The following MPHOSPH6 variants were observed in gnomAD, a reference collection of about 807,000 sequenced individuals.
MPHOSPH6 encodes the protein M-phase phosphoprotein 6.
Under a neutral mutation model 21.8 loss-of-function variants are expected in MPHOSPH6, and 25 were observed. That is an observed-to-expected ratio of 1.15 (90% CI 0.83 to 1.60). MPHOSPH6 has a LOEUF of 1.60. Among genes scored for constraint, MPHOSPH6 ranks in the 40% most tolerant of loss-of-function variants. The pLI is 0.00. For synonymous variants in MPHOSPH6, 84 were observed against 56.5 expected, an observed-to-expected ratio of 1.49 and a Z score of -2.18; for missense variants, 269 against 181.8, an observed-to-expected ratio of 1.48 and a Z score of -2.76.
intron 1 of MPHOSPH6, chr16:82,164,894 A>G (rs890598146): frequency 6.6e-6 from 1 of 152,186 alleles, no homozygotes; most frequent in Non-Finnish European, 1.5e-5. Context: ...ATGGCAGTAA[A>G]TAACAGTCCT....
At chr16:82,169,363 G>C (rs2967359) in intron 1 of MPHOSPH6, among the ~76,000 whole-genome samples, 103,434 of 151,920 alleles carry the variant, frequency 0.68, 36,375 homozygotes, top group Admixed American at 0.78. Flanking sequence ...CCTAGTTTAG[G>C]ACGCTGTGCC....
Position 82,149,386 on chromosome 16 carries a change from C to T in MPHOSPH6, c.273G>A (p.Met91Ile), listed in dbSNP as rs1307936959. The stretch of plus-strand genomic sequence containing the variant: ...CTTCTTCTGCTTTGTGCTTAGCATT[C>T]ATCTGAAGCATCAATTTCTGAAAAA... The part of the protein sequence containing the change: ...NPEVEKLMLQ[M>I]NAKHKAEEVE... Residue 91 changes from methionine (M) to isoleucine (I), a missense_variant, in exon 4 of 5, where the codon ATG (methionine) becomes ATA (isoleucine). Coordinates refer to ENST00000258169, the MANE Select transcript of MPHOSPH6 (RefSeq NM_005792.2). 6.2e-7 allele frequency: 1 copy of T among 1,612,278 alleles called. No individual in the cohort carries two copies. The highest frequency in any genetic ancestry group is 1.3e-5 in the African/African-American group (1 of 75,066).
chr16:82,165,144 T>TTTTTTTTTTTTTTTTTG lies in MPHOSPH6; in HGVS notation c.52-951_52-950insCAAAAAAAAAAAAAAAA, dbSNP rs1555540871. ...TTATTTTTTTTTTTATTTTTTTTTTTTGAGACAGAGTCTCACTCTGTCGCC... is the reference window on the plus strand; with the variant it reads ...TTATTTTTTTTTTTATTTTTTTTTTTTTTTTTTTTTTTTTTTGTGAGACAGAGTCTCACTCTGTCGCC... On this transcript the variant is annotated intron_variant, in intron 1 of 4. Coordinates refer to ENST00000258169, the MANE Select transcript of MPHOSPH6 (RefSeq NM_005792.2). 4.6e-5 allele frequency among the ~76,000 whole-genome samples: 5 copies of TTTTTTTTTTTTTTTTTG among 108,690 alleles called. 1 individual carries two copies. Among genetic ancestry groups the TTTTTTTTTTTTTTTTTG allele is most frequent in the Non-Finnish European group, 7.5e-5 (4 of 53,542 alleles). 71.3% of individuals were successfully genotyped at this position (108,690 alleles called of 152,430 possible). A position where few individuals can be genotyped will look rare whatever the true frequency, so the allele number is the denominator to read the frequency against.
At chr16:82,149,713 G>T (rs1428009355) in intron 3 of MPHOSPH6, among the ~76,000 whole-genome samples, 7 of 152,146 alleles carry the variant, frequency 4.6e-5, no homozygotes, top group African/African-American at 1.7e-4. Flanking sequence ...TCCGGTGAGT[G>T]GGGGAAGAAA....
intron 2 of MPHOSPH6, among the ~76,000 whole-genome samples, chr16:82,162,744 G>A (rs1232282239): frequency 6.6e-6 from 1 of 152,100 alleles, no homozygotes. Context: ...CCAACATCCT[G>A]AGCTGATATA....
chr16:82,151,661 T>C, intron 2 of MPHOSPH6, 147 bp from the exon 3 acceptor site: 1 of 1,236,666 alleles, frequency 8.1e-7, no homozygotes, highest in African/African-American at 1.5e-5. Flanking sequence ...GGGTTAAAAA[T>C]AAAATCTGAT....
chr16:82,168,763 C>T lies in MPHOSPH6; in HGVS notation c.51+1362G>A, dbSNP rs1054117752. ...CTGGGACTACAGGCATGAGCCACTG[C>T]GAATGGCCTATCTTTCAAAACATTA... On this transcript the variant is annotated intron_variant, in intron 1 of 4. Coordinates refer to ENST00000258169, the MANE Select transcript of MPHOSPH6 (RefSeq NM_005792.2). Among the ~76,000 whole-genome samples the T allele has an allele frequency of 9.2e-5, 14 of 152,332 alleles. No individual in the cohort carries two copies. In the East Asian group the frequency reaches 9.6e-4, roughly 10 times the overall value.
chr16:82,157,012 G>C (rs1243466774), intron 2 of MPHOSPH6, among the ~76,000 whole-genome samples: 1 of 152,014 alleles, frequency 6.6e-6, no homozygotes, highest in African/African-American at 2.4e-5. Context: ...GGTTGCGCCA[G>C]TGCACTGTAG....
intron 1 of MPHOSPH6, among the ~76,000 whole-genome samples, chr16:82,168,905 A>G (rs1301202556): frequency 1.3e-5 from 2 of 152,212 alleles, no homozygotes. Context: ...GAGTAGTAAT[A>G]AAGAGCCAGG....
chr16:82,170,187 C>T lies in MPHOSPH6; in HGVS notation c.-12G>A, dbSNP rs1176340013. 6.3e-7 allele frequency: 1 copy of T among 1,577,238 alleles called. No individual in the cohort carries two copies. The highest frequency in any genetic ancestry group is 1.1e-5 in the South Asian group (1 of 87,374). On this transcript the variant is annotated 5_prime_UTR_variant, in exon 1 of 5. Coordinates refer to ENST00000258169, the MANE Select transcript of MPHOSPH6 (RefSeq NM_005792.2). The stretch of plus-strand genomic sequence containing the variant: ...CGCTCGGCCGCCATGGTAGCTTCCG[C>T]CCAGCGCCGCACTCCGGCCGCGAGC...
rs199726943 is a variant in MPHOSPH6 at position 82,148,740 on chromosome 16, G to A, written c.474C>T (p.Pro158=). 8.7e-6 allele frequency: 14 copies of A among 1,613,864 alleles called. No homozygotes were observed. The highest frequency in any genetic ancestry group is 5.3e-5 in the African/African-American group (4 of 74,872). Residue 158 remains proline, a synonymous_variant, in exon 5 of 5, where the codon CCC becomes CCT. Coordinates refer to ENST00000258169, the MANE Select transcript of MPHOSPH6 (RefSeq NM_005792.2). ...GCTTAAGGCATCCATCTTAATCCTG[G>A]GGCTTTAAGAACATCTTCTTTGCTT... ...PIKAKKMFLK[P]QD is the part of the protein sequence containing the mutation.
rs114360729 is a variant in MPHOSPH6 at position 82,169,109 on chromosome 16, T to A, written c.51+1016A>T. ...GCAAACCACTTCAATCATTGTCTAG[T>A]ACTATAAATATTTGCCATTTTCTTG... On this transcript the variant is annotated intron_variant, in intron 1 of 4. Transcript: ENST00000258169. Among the ~76,000 whole-genome samples, 522 of 152,340 alleles carry A rather than the reference T, an allele frequency of 3.4e-3. 1 individual carries two copies. Among genetic ancestry groups the A allele is most frequent in the African/African-American group, 0.012 (502 of 41,572 alleles).
intron 3 of MPHOSPH6, among the ~76,000 whole-genome samples, chr16:82,150,864 CAT>C (rs1343652133): frequency 2.6e-5 from 4 of 152,198 alleles, no homozygotes; most frequent in African/African-American, 9.7e-5. Flanking sequence ...TGGCTTTTAA[CAT>C]ATGAGCCAGA....
intron 2 of MPHOSPH6, 86 bp from the exon 3 acceptor site, chr16:82,151,600 C>A (rs1379714137): frequency 8.3e-6 from 12 of 1,438,580 alleles, no homozygotes; most frequent in Non-Finnish European, 1.1e-5. Flanking sequence ...AAATAATCAA[C>A]CTATGGTTCT....
At chr16:82,156,315 A>G (rs1365398815) in intron 2 of MPHOSPH6, among the ~76,000 whole-genome samples, 2 of 152,250 alleles carry the variant, frequency 1.3e-5, no homozygotes, top group South Asian at 2.1e-4. Context: ...GCATGCTGCA[A>G]TATTTCAGAA....
At chr16:82,149,259 G>C in intron 4 of MPHOSPH6, 50 bp downstream of exon 4, 1 of 1,552,894 alleles carries the variant, frequency 6.4e-7, no homozygotes, top group Non-Finnish European at 8.9e-7. Context: ...TCCTGGGAGA[G>C]CCAATGAATG....
At chr16:82,155,456 T>G (rs1017503669) in intron 2 of MPHOSPH6, among the ~76,000 whole-genome samples, 1 of 152,206 alleles carries the variant, frequency 6.6e-6, no homozygotes, top group Non-Finnish European at 1.5e-5. Flanking sequence ...AATTTAGCAT[T>G]ACAGAATACG....
chr16:82,160,118 T>C (rs1161058575), intron 2 of MPHOSPH6, among the ~76,000 whole-genome samples: 1 of 148,944 alleles, frequency 6.7e-6, no homozygotes, highest in Non-Finnish European at 1.5e-5. Flanking sequence ...GGGTTTGCAT[T>C]GACACCGTAT....
chr16:82,155,040 T>C (rs1157944196), intron 2 of MPHOSPH6, among the ~76,000 whole-genome samples: 2 of 152,214 alleles, frequency 1.3e-5, no homozygotes, highest in African/African-American at 4.8e-5. Context: ...ATGTCAGAAA[T>C]ACAAGGCTGT....
Sources: allele counts gnomAD v4.1 joint callset (sites outside exome capture counted in the v4.1 genomes callset), GRCh38; gene constraint gnomAD v4.1.1; transcripts MANE v1.5; gene names NCBI Gene and HGNC (gene_info 2026-07-23, HGNC 2026-07-21).